TRIP12: variants seen among roughly 807,000 people sequenced by gnomAD.
The protein encoded by TRIP12 is E3 ubiquitin-protein ligase TRIP12.
TRIP12 carries 25 observed loss-of-function variants against 244.2 expected under a neutral mutation model. The observed-to-expected ratio is 0.10, with a 90% CI of 0.07 to 0.14. The LOEUF is 0.14. Ranked by LOEUF, TRIP12 falls within the 10% of genes least tolerant of loss-of-function variation. TRIP12 has a pLI of 1.00. For missense variants in TRIP12, 1,677 were observed against 2,486.4 expected (o/e 0.67, Z 6.92); for synonymous variants, 905 against 873.1 (o/e 1.04, Z -0.64).
chr2:229,886,466 A>AT (rs11430240), intron 1 of TRIP12, among the ~76,000 whole-genome samples: 2,677 of 144,538 alleles, frequency 0.019, 60 homozygotes, highest in African/African-American at 0.059. Context: ...TAAAAATAGC[A>AT]TTTTTTTTTT....
chr2:229,810,843 T>C, intron 15 of TRIP12, 37 bp downstream of exon 15: 2 of 1,601,712 alleles, frequency 1.2e-6, no homozygotes, highest in Non-Finnish European at 1.7e-6. Context: ...AGAACCAACT[T>C]TTCCTGCTTA....
At chr2:229,844,968 C>A (rs866491436) in intron 4 of TRIP12, among the ~76,000 whole-genome samples, 4 of 152,212 alleles carry the variant, frequency 2.6e-5, no homozygotes, top group Middle Eastern at 3.2e-3. Context: ...TCTACTATTA[C>A]ACAAGAGGGT....
At chr2:229,801,726 G>A (rs2044400516) in intron 21 of TRIP12, among the ~76,000 whole-genome samples, 1 of 152,166 alleles carries the variant, frequency 6.6e-6, no homozygotes, top group Non-Finnish European at 1.5e-5. Context: ...TGGGAGTAGA[G>A]AATTTAAGAA....
Position 229,799,338 on chromosome 2 carries a change from C to T in TRIP12, c.3252G>A (p.Gly1084=). Residue 1084 remains glycine, a synonymous_variant, in exon 22 of 42, where the codon GGG becomes GGA. Transcript: ENST00000675903. ...GAGGTGAGTACTTTGGCCTTCTTGG[C>T]CCTCGTTTTGGCAGTCGTTTTCTCT... ...VLKRKRLPKR[G]PRRPKYSPPR... is the part of the protein sequence containing the mutation. The T allele has an allele frequency of 6.2e-7, 1 of 1,614,158 alleles. No homozygotes were observed.
At position 229,765,372 on chromosome 2, in the gene TRIP12, T is replaced by C. The variant is rs2031434521; in HGVS notation, c.*2182A>G. 6.6e-6 allele frequency: 1 copy of C among 152,210 alleles called. No homozygotes were observed. The highest frequency in any genetic ancestry group is 2.4e-5 in the African/African-American group (1 of 41,454). 9.4% of individuals were successfully genotyped at this position (152,210 alleles called of 1,614,324 possible). On this transcript the variant is annotated 3_prime_UTR_variant, in exon 42 of 42. Transcript: ENST00000675903. The stretch of plus-strand genomic sequence containing the variant: ...TTTCCCTCTGGTGCAATAAGGCCTC[T>C]GCCAAGAGAGATTACTTTAAGAGTT...
chr2:229,861,867 ATAGAT>A (rs2060528293), intron 2 of TRIP12, among the ~76,000 whole-genome samples: 1 of 152,204 alleles, frequency 6.6e-6, no homozygotes. Context: ...ACTTATTAGA[ATAGAT>A]GAATTTCTTA....
intron 2 of TRIP12, among the ~76,000 whole-genome samples, chr2:229,872,889 CTT>C (rs1344175659): frequency 6.6e-6 from 1 of 152,188 alleles, no homozygotes; most frequent in Admixed American, 6.5e-5. Context: ...TTGAGACTGA[CTT>C]ATACTTCTCC....
In TRIP12 at chr2:229,815,314, A is replaced by C; in HGVS notation, c.1600-6T>G. On this transcript the variant is annotated splice_polypyrimidine_tract_variant and splice_region_variant and intron_variant, in intron 9 of 41. Coordinates refer to ENST00000675903, the MANE Select transcript of TRIP12 (RefSeq NM_001348323.3). ...TCCATCTGAAGTAACGTAATCTGTT[A>C]AAAAGATAACAAAATATTAGAAGCT... 7.1e-7 allele frequency: 1 copy of C among 1,403,558 alleles called. No homozygotes were observed. Among genetic ancestry groups the C allele is most frequent in the Non-Finnish European group, 9.9e-7 (1 of 1,008,424 alleles). 86.9% of individuals were successfully genotyped at this position (1,403,558 alleles called of 1,614,324 possible).
chr2:229,813,213 T>A (rs1332939286), intron 13 of TRIP12, among the ~76,000 whole-genome samples: 4 of 152,202 alleles, frequency 2.6e-5, no homozygotes, highest in Admixed American at 1.3e-4. Flanking sequence ...CCCATCTGCC[T>A]CCTCCAATGC....
In TRIP12 at chr2:229,802,346, C is replaced by T. The variant is rs1311264751; in HGVS notation, c.3112G>A (p.Gly1038Arg). The part of the protein sequence containing the change: ...SMGSTTSVSS[G>R]TATAATHAAA... ...GCATGAGTGGCAGCTGTGGCTGTCC[C>T]ACTGCTGACTGAAGTTGTGGATCCC... Residue 1038 changes from glycine (G) to arginine (R), a missense_variant, in exon 21 of 42, where the codon GGG (glycine) becomes AGG (arginine). Physicochemically the swap from Gly to Arg is moderately radical, Grantham distance 125 (BLOSUM62 -2). Coordinates refer to ENST00000675903, the MANE Select transcript of TRIP12 (RefSeq NM_001348323.3). 1 of 1,613,684 alleles carries T rather than the reference C, an allele frequency of 6.2e-7. No homozygotes were observed. The highest frequency in any genetic ancestry group is 1.3e-5 in the African/African-American group (1 of 74,910).
At chr2:229,849,349 G>A (rs539460113) in intron 4 of TRIP12, among the ~76,000 whole-genome samples, 23 of 152,304 alleles carry the variant, frequency 1.5e-4, no homozygotes, top group Non-Finnish European at 2.6e-4. Flanking sequence ...AAGACAGGAA[G>A]TATGTAACAG....
At chr2:229,782,925 C>A (rs952986216) in intron 34 of TRIP12, among the ~76,000 whole-genome samples, 1 of 152,008 alleles carries the variant, frequency 6.6e-6, no homozygotes, top group African/African-American at 2.4e-5. Context: ...TAAGTTTTGT[C>A]TTAAAACAAA....
At chr2:229,849,803 G>T (rs1277973847) in intron 4 of TRIP12, among the ~76,000 whole-genome samples, 1 of 152,006 alleles carries the variant, frequency 6.6e-6, no homozygotes, top group Non-Finnish European at 1.5e-5. Context: ...AATCTTTTGA[G>T]ATCAAGGCTG....
chr2:229,784,863 T>C (rs1401405092), intron 34 of TRIP12, among the ~76,000 whole-genome samples: 1 of 152,224 alleles, frequency 6.6e-6, no homozygotes. Flanking sequence ...AAGTTTTGTA[T>C]CTCTAACAAA....
upstream of TRIP12, among the ~76,000 whole-genome samples, chr2:229,922,774 C>T (rs1304456239): frequency 2.6e-5 from 4 of 152,210 alleles, no homozygotes; most frequent in East Asian, 5.8e-4. Flanking sequence ...CTCCTCGGTC[C>T]GACGGCCCGC....
In TRIP12 at chr2:229,808,694, A is replaced by G. The variant is rs138163905; in HGVS notation, c.2222-325T>C. On this transcript the variant is annotated intron_variant, in intron 15 of 41. Coordinates refer to ENST00000675903, the MANE Select transcript of TRIP12 (RefSeq NM_001348323.3). ...AGCATCGTACTTTGCACAAAAATGC[A>G]TTCAACATACCACAAATCAAATATA... Among the ~76,000 whole-genome samples, 47 of 152,358 alleles carry G rather than the reference A, an allele frequency of 3.1e-4. No individual in the cohort carries two copies. In the East Asian group the frequency reaches 9.1e-3, roughly 29 times the overall value.
At chr2:229,818,560 T>C (rs2049078501) in intron 8 of TRIP12, 48 bp from the exon 9 acceptor site, 2 of 1,545,056 alleles carry the variant, frequency 1.3e-6, no homozygotes, top group Non-Finnish European at 1.8e-6. Flanking sequence ...AAGAAAATTA[T>C]TACTAGGTAT....
At position 229,766,028 on chromosome 2, in the gene TRIP12, G is replaced by A. The variant is rs2031608943; in HGVS notation, c.*1526C>T. On this transcript the variant is annotated 3_prime_UTR_variant, in exon 42 of 42. Coordinates refer to ENST00000675903, the MANE Select transcript of TRIP12 (RefSeq NM_001348323.3). The stretch of plus-strand genomic sequence containing the variant: ...CAAGCCACTGAGTTTCTTTTGGGTG[G>A]TGGGATAGGGAAAAGGGCTTTTGTG... The A allele has an allele frequency of 6.6e-6, 1 of 152,046 alleles. No homozygotes were observed. Among genetic ancestry groups the A allele is most frequent in the South Asian group, 2.1e-4 (1 of 4,824 alleles). 9.4% of individuals were successfully genotyped at this position (152,046 alleles called of 1,614,324 possible). A position where few individuals can be genotyped will look rare whatever the true frequency, so the allele number is the denominator to read the frequency against.
intron 5 of TRIP12, among the ~76,000 whole-genome samples, chr2:229,839,435 T>C (rs2055763885): frequency 6.6e-6 from 1 of 152,238 alleles, no homozygotes; most frequent in South Asian, 2.1e-4. Flanking sequence ...CCCAGCACTT[T>C]GGGAGGCCGA....
Sources: gnomAD v4.1 joint callset for allele counts (sites outside exome capture counted in the v4.1 genomes callset) on GRCh38, gnomAD v4.1.1 for gene constraint, MANE v1.5 for transcripts, NCBI Gene and HGNC (gene_info 2026-07-23, HGNC 2026-07-21) for gene names.